MAGI2: variants seen among roughly 807,000 people sequenced by gnomAD.
The protein encoded by MAGI2 is membrane associated guanylate kinase, WW and PDZ domain containing 2.
In MAGI2, 35 loss-of-function variants were observed where a neutral mutation model predicts 133.3. The observed-to-expected ratio is 0.26, with a 90% CI of 0.20 to 0.35. The LOEUF (loss-of-function observed/expected upper bound fraction) is 0.35. Among genes scored for constraint, MAGI2 ranks in the 10% least tolerant of loss-of-function variants. MAGI2 has a pLI of 1.00. For missense variants in MAGI2, 1,636 were observed against 1,863.4 expected, an observed-to-expected ratio of 0.88 and a Z score of 2.25; for synonymous variants, 729 against 710.6, an observed-to-expected ratio of 1.03 and a Z score of -0.41.
intron 1 of MAGI2, among the ~76,000 whole-genome samples, chr7:79,105,685 A>G (rs1271672301): frequency 6.6e-6 from 1 of 152,210 alleles, no homozygotes; most frequent in African/African-American, 2.4e-5. Flanking sequence ...ACTATCACAG[A>G]GCAAAATTCA....
At chr7:79,138,411 C>G (rs775266601) in intron 1 of MAGI2, among the ~76,000 whole-genome samples, 6 of 152,152 alleles carry the variant, frequency 3.9e-5, no homozygotes, top group Non-Finnish European at 8.8e-5. Flanking sequence ...GTTCCAGTCC[C>G]TAAGTCCAAG....
chr7:78,721,204 T>C lies in MAGI2; in HGVS notation c.419-93965A>G, dbSNP rs930961770. ...AGTTCTTCCTCATGGCTGGGTCCTC[T>C]CTAATAAATGGAATTTTTGTATAAC... On this transcript the variant is annotated intron_variant, in intron 2 of 21. Transcript: ENST00000354212. 1.8e-4 allele frequency among the ~76,000 whole-genome samples: 28 copies of C among 152,060 alleles called. 1 individual carries two copies. Among genetic ancestry groups the C allele is most frequent in the African/African-American group, 6.8e-4 (28 of 41,442 alleles).
chr7:78,526,502 G>T (rs917151877), intron 3 of MAGI2, among the ~76,000 whole-genome samples: 7 of 152,134 alleles, frequency 4.6e-5, no homozygotes, highest in Non-Finnish European at 8.8e-5. Context: ...ACAACAAAAT[G>T]ATACATAAAA....
intron 1 of MAGI2, among the ~76,000 whole-genome samples, chr7:79,067,666 C>A (rs1333416350): frequency 1.4e-4 from 21 of 152,314 alleles, no homozygotes; most frequent in Admixed American, 1.2e-3. Context: ...TGAGAGAAGG[C>A]ATCCTTGTCT....
In MAGI2 at chr7:79,090,886, T is replaced by A. The variant is rs186495816; in HGVS notation, c.302-83680A>T. 3.7e-3 allele frequency among the ~76,000 whole-genome samples: 564 copies of A among 152,234 alleles called. 2 individuals are homozygous for A. The highest frequency in any genetic ancestry group is 0.017 in the Middle Eastern group (5 of 294). ...ATTGGGTGAATTTCATCCCTCACAC[T>A]ATGACCACTTCCGTGATTTATCACA... On this transcript the variant is annotated intron_variant, in intron 1 of 21. Transcript: ENST00000354212.
intron 6 of MAGI2, among the ~76,000 whole-genome samples, chr7:78,412,267 A>G (rs1797936719): frequency 6.6e-6 from 1 of 152,076 alleles, no homozygotes; most frequent in Non-Finnish European, 1.5e-5. Flanking sequence ...AAGAGCAAAT[A>G]AGAGCCAGCA....
At chr7:78,887,716 C>T (rs1262597026) in intron 2 of MAGI2, among the ~76,000 whole-genome samples, 1 of 152,202 alleles carries the variant, frequency 6.6e-6, no homozygotes, top group African/African-American at 2.4e-5. Context: ...AAAATGTAGA[C>T]TTACAGAGCA....
intron 10 of MAGI2, among the ~76,000 whole-genome samples, chr7:78,234,052 C>T (rs960383996): frequency 6.6e-6 from 1 of 152,072 alleles, no homozygotes; most frequent in African/African-American, 2.4e-5. Context: ...TGCCAAGTGG[C>T]AAGTGGGATA....
In MAGI2 at chr7:78,514,961, G is replaced by T. The variant is rs531374324; in HGVS notation, c.754+6469C>A. 2.0e-5 allele frequency among the ~76,000 whole-genome samples: 3 copies of T among 152,270 alleles called. No individual in the cohort carries two copies. In the East Asian group the frequency reaches 5.8e-4, roughly 29 times the overall value. On this transcript the variant is annotated intron_variant, in intron 4 of 21. Coordinates refer to ENST00000354212, the MANE Select transcript of MAGI2 (RefSeq NM_012301.4). The stretch of plus-strand genomic sequence containing the variant: ...TACACATACTGTATTCTCTTTGTTG[G>T]CGAAGGTAGCTCTCATGGGCCCTGT...
In MAGI2 at chr7:78,374,038, T is replaced by C. The variant is rs374044780; in HGVS notation, c.1046-4825A>G. ...GGTTGATTCCATGTCTCTGCTATTG[T>C]AAAAAGTGCTACAGCAAAAATATGT... On this transcript the variant is annotated intron_variant, in intron 6 of 21. Coordinates refer to ENST00000354212, the MANE Select transcript of MAGI2 (RefSeq NM_012301.4). 8.5e-5 allele frequency among the ~76,000 whole-genome samples: 13 copies of C among 152,180 alleles called. No individual in the cohort carries two copies. In the East Asian group the frequency reaches 1.2e-3, roughly 14 times the overall value.
Position 78,741,411 on chromosome 7 carries a change from ACACACACACACACACAC to A in MAGI2, c.419-114189_419-114173del, listed in dbSNP as rs1563439025. ...CACACACACACACACACACACACAC[ACACACACACACACACAC>A]GGGAGGGGGGTTAGATCATAAAAGG... On this transcript the variant is annotated intron_variant, in intron 2 of 21. Coordinates refer to ENST00000354212, the MANE Select transcript of MAGI2 (RefSeq NM_012301.4). Among the ~76,000 whole-genome samples, 34 of 145,964 alleles carry A rather than the reference ACACACACACACACACAC, an allele frequency of 2.3e-4. No homozygotes were observed. In the East Asian group the frequency reaches 2.8e-3, roughly 12 times the overall value.
At chr7:79,103,866 AT>A (rs370812338) in intron 1 of MAGI2, among the ~76,000 whole-genome samples, 93,514 of 151,076 alleles carry the variant, frequency 0.62, 34,774 homozygotes, top group Non-Finnish European at 0.83. Context: ...CACCTGGCTA[AT>A]TTTTTTTATA....
At chr7:78,952,505 G>C (rs1414912140) in intron 2 of MAGI2, among the ~76,000 whole-genome samples, 1 of 152,008 alleles carries the variant, frequency 6.6e-6, no homozygotes, top group East Asian at 1.9e-4. Flanking sequence ...TCTGAGTCGT[G>C]CTGAAAATAA....
intron 2 of MAGI2, among the ~76,000 whole-genome samples, chr7:78,647,316 C>T (rs1275628503): frequency 2.0e-5 from 3 of 152,048 alleles, no homozygotes; most frequent in African/African-American, 7.2e-5. Context: ...AAAACAACCC[C>T]ATCAGAAAGT....
At chr7:78,897,101 C>T (rs560747765) in intron 2 of MAGI2, among the ~76,000 whole-genome samples, 4 of 152,168 alleles carry the variant, frequency 2.6e-5, no homozygotes, top group Non-Finnish European at 4.4e-5. Context: ...ACTCACAATA[C>T]AGCCCAATGC....
intron 1 of MAGI2, among the ~76,000 whole-genome samples, chr7:79,287,246 T>C (rs761478077): frequency 1.3e-5 from 2 of 152,130 alleles, no homozygotes; most frequent in East Asian, 3.9e-4. Context: ...CTCTCAAGTT[T>C]GGAAAGTTCT....
chr7:79,015,951 A>C (rs1013498651), intron 1 of MAGI2, among the ~76,000 whole-genome samples: 1 of 133,402 alleles, frequency 7.5e-6, no homozygotes, highest in African/African-American at 2.8e-5. Context: ...GAAGCAGGGA[A>C]CCCTGCAAAG....
intron 3 of MAGI2, among the ~76,000 whole-genome samples, chr7:78,560,389 T>TGAAGCCATGAAAGTGGATAGA (rs1333395126): frequency 6.6e-6 from 1 of 152,096 alleles, no homozygotes; most frequent in Non-Finnish European, 1.5e-5. Flanking sequence ...AGGTGATAAT[T>TGAAGCCATGAAAGTGGATAGA]GAAGCCATGA....
intron 21 of MAGI2, among the ~76,000 whole-genome samples, chr7:78,043,004 T>C (rs1811016600): frequency 6.6e-6 from 1 of 152,198 alleles, no homozygotes; most frequent in African/African-American, 2.4e-5. Flanking sequence ...AAGAACATTA[T>C]CGTTTGGAGT....
Sources: gnomAD v4.1 joint callset for allele counts (sites outside exome capture counted in the v4.1 genomes callset) on GRCh38, gnomAD v4.1.1 for gene constraint, MANE v1.5 for transcripts, NCBI Gene and HGNC (gene_info 2026-07-23, HGNC 2026-07-21) for gene names.